The following ASB11 variants were observed in gnomAD, a reference collection of about 807,000 sequenced individuals.
The protein encoded by ASB11 is ankyrin repeat and SOCS box protein 11.
Under a neutral mutation model 20.1 loss-of-function variants are expected in ASB11, and 17 were observed. The ratio of observed to expected loss-of-function variants is 0.85; its 90% confidence interval spans 0.58 to 1.27. ASB11 has a LOEUF of 1.27. ASB11 is among the 50% of genes most tolerant of loss of function. The probability of loss-of-function intolerance (pLI) is 0.00; values close to 1 mark genes in which losing one functional copy is unlikely to be tolerated. For synonymous variants in ASB11, 107 were observed against 105.6 expected, an observed-to-expected ratio of 1.01 and a Z score of -0.08; for missense variants, 259 against 256.9, an observed-to-expected ratio of 1.01 and a Z score of -0.06.
chrX:15,287,057 C>T (rs1378798885), intron 6 of ASB11, among the ~76,000 whole-genome samples: 5 of 111,997 alleles, frequency 4.5e-5, no homozygotes, highest in African/African-American at 1.3e-4. Context: ...TCAGTAGTTG[C>T]TCTTAATGCT....
At position 15,284,121 on chromosome X, in the gene ASB11, G is replaced by A. The variant is rs867728129; in HGVS notation, c.848-492C>T. ...CAAAAAATTAGCCGGGTGTGGTGGC[G>A]GGTGCCTATAGTCCCAGCTACTCGG... On this transcript the variant is annotated intron_variant, in intron 6 of 6. Coordinates refer to ENST00000480796, the MANE Select transcript of ASB11 (RefSeq NM_080873.3). 9.6e-4 allele frequency among the ~76,000 whole-genome samples: 103 copies of A among 106,933 alleles called. 1 individual carries two copies. The highest frequency in any genetic ancestry group is 2.9e-3 in the African/African-American group (83 of 28,680). The allele number at this position is 106,933 out of a possible 115,157, so 92.9% of individuals were successfully genotyped here. A position where few individuals can be genotyped will look rare whatever the true frequency, so the allele number is the denominator to read the frequency against.
At chrX:15,310,708 C>T (rs1308579028) in intron 1 of ASB11, among the ~76,000 whole-genome samples, 1 of 112,634 alleles carries the variant, frequency 8.9e-6, no homozygotes, top group African/African-American at 3.2e-5. Context: ...GACCCAACAG[C>T]CGGGCGCGGT....
chrX:15,282,113 G>A lies in ASB11; in HGVS notation c.*1392C>T, dbSNP rs1178185356. On this transcript the variant is annotated 3_prime_UTR_variant, in exon 7 of 7. Coordinates refer to ENST00000480796, the MANE Select transcript of ASB11 (RefSeq NM_080873.3). ...TCCCCCAGTTGTTGCAACTAAACAT[G>A]TCTGCAGACATTGACAAATGTCTCA... The A allele has an allele frequency of 9.0e-6, 1 of 110,826 alleles. No homozygotes were observed. The highest frequency in any genetic ancestry group is 3.9e-4 in the South Asian group (1 of 2,556). The allele number at this position is 110,826 out of a possible 1,213,427, so 9.1% of individuals were successfully genotyped here.
Position 15,314,329 on chromosome X carries a change from C to CTT in ASB11, c.181+1094_181+1095dup, listed in dbSNP as rs201659261. ...AACTTGAAACTTATCAGAAGCATTA[C>CTT]TTTTTTTTTTTTTTTTTGTAACTAG... On this transcript the variant is annotated intron_variant, in intron 1 of 6. Transcript: ENST00000480796. 1.4e-3 allele frequency: 1,299 copies of CTT among 958,358 alleles called. 5 individuals carry two copies. In the African/African-American group the frequency reaches 0.017, roughly 12 times the overall value. 79.0% of individuals were successfully genotyped at this position (958,358 alleles called of 1,213,427 possible). A position where few individuals can be genotyped will look rare whatever the true frequency, so the allele number is the denominator to read the frequency against.
At chrX:15,286,716 TCCTA>T (rs1330371477) in intron 6 of ASB11, among the ~76,000 whole-genome samples, 1 of 103,399 alleles carries the variant, frequency 9.7e-6, no homozygotes, top group Non-Finnish European at 2.0e-5. Flanking sequence ...TGGCTCAGAA[TCCTA>T]CCTAATTCTA....
intron 1 of ASB11, among the ~76,000 whole-genome samples, chrX:15,307,647 G>A (rs1921288245): frequency 9.0e-6 from 1 of 111,572 alleles, no homozygotes; most frequent in Admixed American, 9.5e-5. Flanking sequence ...CCTGGGGGTT[G>A]GAGACCCCTG....
intron 2 of ASB11, 93 bp downstream of exon 2, chrX:15,302,635 G>A: frequency 8.7e-6 from 8 of 917,516 alleles, no homozygotes; most frequent in Non-Finnish European, 1.2e-5. Flanking sequence ...GACCTGGATA[G>A]GGTGAGCCAC....
intron 4 of ASB11, among the ~76,000 whole-genome samples, chrX:15,292,917 A>G (rs1185579250): frequency 8.9e-6 from 1 of 111,984 alleles, no homozygotes; most frequent in African/African-American, 3.2e-5. Context: ...CTGCCAATAG[A>G]CCATCCCCAG....
At chrX:15,284,215 G>C (rs1449418329) in intron 6 of ASB11, among the ~76,000 whole-genome samples, 1 of 99,121 alleles carries the variant, frequency 1.0e-5, no homozygotes, top group Non-Finnish European at 2.0e-5. Flanking sequence ...TCGGGCCACT[G>C]CACTCCAGCC....
chrX:15,311,966 A>G (rs1921442401), intron 1 of ASB11, among the ~76,000 whole-genome samples: 1 of 111,906 alleles, frequency 8.9e-6, no homozygotes, highest in South Asian at 3.7e-4. Context: ...TTCAAAAGCT[A>G]TTGAATTCTG....
At chrX:15,302,846 C>T (rs757539344) in intron 1 of ASB11, 39 bp from the exon 2 acceptor site, 1 of 1,138,468 alleles carries the variant, frequency 8.8e-7, no homozygotes, top group Admixed American at 2.2e-5. Flanking sequence ...GGCCTGGAGA[C>T]TTCTTCCTGT....
intron 1 of ASB11, 99 bp from the exon 2 acceptor site, chrX:15,302,906 G>A (rs1414803228): frequency 1.8e-5 from 12 of 665,854 alleles, no homozygotes; most frequent in Non-Finnish European, 2.8e-5. Flanking sequence ...GGGGGAAGAG[G>A]AGGGAAGAGG....
At chrX:15,310,370 C>G (rs1276770984) in intron 1 of ASB11, among the ~76,000 whole-genome samples, 1 of 112,041 alleles carries the variant, frequency 8.9e-6, no homozygotes, top group Non-Finnish European at 1.9e-5. Context: ...GCAGATCGCC[C>G]GTGTCACAGG....
intron 1 of ASB11, among the ~76,000 whole-genome samples, chrX:15,305,579 T>C (rs985136962): frequency 1.1e-5 from 1 of 93,670 alleles, no homozygotes; most frequent in Non-Finnish European, 2.1e-5. Context: ...CCAAACATTT[T>C]AACAAGAAAA....
chrX:15,283,662 T>C, intron 6 of ASB11, 33 bp from the exon 7 acceptor site: 3 of 1,201,155 alleles, frequency 2.5e-6, no homozygotes, highest in Non-Finnish European at 3.4e-6. Flanking sequence ...GTTAACTTCA[T>C]AGTGGTGGGA....
In ASB11 at chrX:15,287,894, G is replaced by C. The variant is rs1272025843; in HGVS notation, c.834C>G (p.Leu278=). The C allele has an allele frequency of 2.5e-6, 3 of 1,208,361 alleles. No homozygotes were observed. Among genetic ancestry groups the C allele is most frequent in the South Asian group, 3.6e-5 (2 of 56,242 alleles). The part of the protein sequence containing the change: ...AAPKSSVEQA[L]LLREGPPALS... ...GCCCTTGGTTACCTTCACGGAGCAA[G>C]AGTGCCTGCTCCACGCTGCTTTTTG... The change falls in exon 6 of 7, where the codon CTC becomes CTG. Residue 278 remains leucine, a synonymous_variant. Transcript: ENST00000480796.
intron 1 of ASB11, among the ~76,000 whole-genome samples, chrX:15,303,740 G>T (rs1921145833): frequency 9.0e-6 from 1 of 111,447 alleles, no homozygotes; most frequent in Non-Finnish European, 1.9e-5. Context: ...TGGTAAGATG[G>T]AAATATAATA....
At chrX:15,312,428 A>C (rs1485322239) in intron 1 of ASB11, among the ~76,000 whole-genome samples, 1 of 105,957 alleles carries the variant, frequency 9.4e-6, no homozygotes, top group Non-Finnish European at 1.9e-5. Flanking sequence ...AAAAAAAAAA[A>C]AAAAAAAACA....
chrX:15,288,923 T>C (rs757577028), intron 5 of ASB11, among the ~76,000 whole-genome samples: 1 of 111,527 alleles, frequency 9.0e-6, no homozygotes, highest in Non-Finnish European at 1.9e-5. Context: ...CACGGACTCT[T>C]GGTTTCTGTA....
Sources: allele counts gnomAD v4.1 joint callset (sites outside exome capture counted in the v4.1 genomes callset), GRCh38; gene constraint gnomAD v4.1.1; transcripts MANE v1.5; gene names NCBI Gene and HGNC (gene_info 2026-07-23, HGNC 2026-07-21).